The following HAS2 variants were observed in gnomAD, a reference collection of about 807,000 sequenced individuals.
HAS2 encodes the protein hyaluronan synthase 2.
Under a neutral mutation model 51.6 loss-of-function variants are expected in HAS2, and 16 were observed. That is an observed-to-expected ratio of 0.31 (90% CI 0.21 to 0.47). The LOEUF (loss-of-function observed/expected upper bound fraction) is 0.47, where lower values mean the gene tolerates loss of function less well. Among genes scored for constraint, HAS2 ranks in the 20% least tolerant of loss-of-function variants. The pLI, the probability that HAS2 is intolerant of heterozygous loss-of-function variation, is 1.00. For synonymous variants in HAS2, 228 were observed against 235.5 expected (o/e 0.97, Z 0.29); for missense variants, 361 against 662.6 (o/e 0.54, Z 5.00).
chr8:121,632,866 G>A (rs1044743329), intron 1 of HAS2, among the ~76,000 whole-genome samples: 1 of 151,734 alleles, frequency 6.6e-6, no homozygotes, highest in African/African-American at 2.4e-5. Flanking sequence ...AATGACTTTG[G>A]GTGGTAAGCA....
At position 121,612,825 on chromosome 8, in the gene HAS2, A is replaced by G. The variant is rs1475367949; in HGVS notation, c.*1284T>C. ...TCAGAAAAACAAAATTCCTCATTTG[A>G]AAGTAAAAGAGGATAGATACTTGGT... On this transcript the variant is annotated 3_prime_UTR_variant, in exon 4 of 4. Coordinates refer to ENST00000303924, the MANE Select transcript of HAS2 (RefSeq NM_005328.3). The G allele has an allele frequency of 6.6e-6, 1 of 152,170 alleles. No individual in the cohort carries two copies. Among genetic ancestry groups the G allele is most frequent in the Admixed American group, 6.5e-5 (1 of 15,272 alleles). The allele number at this position is 152,170 out of a possible 1,614,324, so 9.4% of individuals were successfully genotyped here.
intron 1 of HAS2, among the ~76,000 whole-genome samples, chr8:121,631,699 G>A (rs1812932998): frequency 6.6e-6 from 1 of 152,210 alleles, no homozygotes; most frequent in South Asian, 2.1e-4. Context: ...CAGCTGAGGG[G>A]ATGCTGAAAA....
intron 2 of HAS2, among the ~76,000 whole-genome samples, chr8:121,618,435 C>T (rs961468157): frequency 2.6e-5 from 4 of 152,068 alleles, no homozygotes; most frequent in African/African-American, 9.7e-5. Context: ...CTGGGCTTCC[C>T]CTTATTCCTT....
chr8:121,615,302 T>G (rs1812684590), intron 3 of HAS2, among the ~76,000 whole-genome samples: 1 of 152,276 alleles, frequency 6.6e-6, no homozygotes, highest in Non-Finnish European at 1.5e-5. Flanking sequence ...TCTGCTATTC[T>G]TATTCTGTTT....
intron 1 of HAS2, among the ~76,000 whole-genome samples, chr8:121,633,529 C>T (rs558823985): frequency 4.1e-4 from 62 of 152,214 alleles, no homozygotes; most frequent in South Asian, 1.0e-3. Context: ...ACTGAGATTT[C>T]GGGCTCATAT....
At chr8:121,615,183 T>C in intron 3 of HAS2, 145 bp from the exon 4 acceptor site, 1 of 604,746 alleles carries the variant, frequency 1.7e-6, no homozygotes, top group Non-Finnish European at 2.9e-6. Flanking sequence ...GCGTGGTTAT[T>C]TTATGTTTTC....
chr8:121,629,690 C>G (rs925233754), intron 1 of HAS2, among the ~76,000 whole-genome samples: 3 of 152,190 alleles, frequency 2.0e-5, no homozygotes, highest in African/African-American at 7.2e-5. Context: ...CATAGCCAGG[C>G]AGGGACCCTG....
intron 3 of HAS2, 43 bp from the exon 4 acceptor site, chr8:121,615,081 A>T (rs1812682367): frequency 7.2e-7 from 1 of 1,396,828 alleles, no homozygotes; most frequent in East Asian, 2.3e-5. Flanking sequence ...CTTTAGCTAA[A>T]AATTCCAGCA....
intron 1 of HAS2, among the ~76,000 whole-genome samples, chr8:121,629,894 A>G (rs960446593): frequency 5.9e-5 from 9 of 152,166 alleles, no homozygotes; most frequent in Non-Finnish European, 2.9e-5. Context: ...ACTGGGTTCT[A>G]GTACTAGCTC....
chr8:121,619,267 C>CT (rs542563741), intron 2 of HAS2, among the ~76,000 whole-genome samples: 90 of 152,102 alleles, frequency 5.9e-4, no homozygotes, highest in African/African-American at 2.0e-3. Flanking sequence ...TTACTACTAG[C>CT]TTTTTTTCTG....
Position 121,629,089 on chromosome 8 carries a change from T to A in HAS2, c.252A>T (p.Thr84=). Residue 84 remains threonine, a synonymous_variant, in exon 2 of 4, where the codon ACA becomes ACT. Transcript: ENST00000303924. The part of the protein sequence containing the change: ...SLETPIKLNK[T]VALCIAAYQE... ...GATAGGCAGCGATGCAAAGGGCAAC[T>A]GTTTTGTTCAACTTTATGGGGGTTT... The A allele has an allele frequency of 1.9e-6, 3 of 1,614,154 alleles. No individual in the cohort carries two copies.
At chr8:121,615,532 C>G (rs1812688335) in intron 3 of HAS2, among the ~76,000 whole-genome samples, 1 of 152,064 alleles carries the variant, frequency 6.6e-6, no homozygotes, top group Non-Finnish European at 1.5e-5. Context: ...GCCATTTTGG[C>G]CAGGCTGGTC....
At chr8:121,635,661 T>G (rs568361948) in intron 1 of HAS2, among the ~76,000 whole-genome samples, 1 of 152,382 alleles carries the variant, frequency 6.6e-6, no homozygotes, top group East Asian at 1.9e-4. Context: ...CTTGCGCCTC[T>G]TATTCATTGC....
chr8:121,627,824 G>A (rs760229559), intron 2 of HAS2, among the ~76,000 whole-genome samples: 2 of 152,282 alleles, frequency 1.3e-5, no homozygotes, highest in Non-Finnish European at 2.9e-5. Context: ...AATTCTAGAG[G>A]AGAGGAAGAA....
rs765734366 is a variant in HAS2, at chr8:121,612,407, A to C, written c.*1702T>G. 8 of 152,132 alleles carry C rather than the reference A, an allele frequency of 5.3e-5. No homozygotes were observed. The highest frequency in any genetic ancestry group is 1.2e-4 in the Non-Finnish European group (8 of 68,020). The allele number at this position is 152,132 out of a possible 1,614,324, so 9.4% of individuals were successfully genotyped here. A position where few individuals can be genotyped will look rare whatever the true frequency, so the allele number is the denominator to read the frequency against. On this transcript the variant is annotated 3_prime_UTR_variant, in exon 4 of 4. Coordinates refer to ENST00000303924, the MANE Select transcript of HAS2 (RefSeq NM_005328.3). ...TACCTTTTTGTACTCTGAAGGTAGG[A>C]TGTGCAGCTTTTTCTTAGGCAGGAT...
chr8:121,635,493 A>G (rs1271566593), intron 1 of HAS2, among the ~76,000 whole-genome samples: 3 of 152,184 alleles, frequency 2.0e-5, no homozygotes, highest in African/African-American at 7.2e-5. Context: ...CATGATGAAA[A>G]GAATAGGAGG....
intron 1 of HAS2, among the ~76,000 whole-genome samples, chr8:121,634,852 G>A (rs553138226): frequency 2.6e-4 from 39 of 151,890 alleles, no homozygotes; most frequent in Non-Finnish European, 5.0e-4. Flanking sequence ...CCTTTGGAAA[G>A]CAAAGATAGA....
At position 121,628,697 on chromosome 8, in the gene HAS2, G is replaced by C. The variant is rs747324885; in HGVS notation, c.627+17C>G. On this transcript the variant is annotated intron_variant, in intron 2 of 3. Transcript: ENST00000303924. ...ATTTAAATGTATGTTTGCCCTGGCA[G>C]GAATGTGGAGACCTACCTGTACATA... The C allele has an allele frequency of 2.8e-5, 45 of 1,606,952 alleles. No homozygotes were observed. The highest frequency in any genetic ancestry group is 3.8e-5 in the Non-Finnish European group (45 of 1,175,942).
At chr8:121,625,851 C>T (rs1224891795) in intron 2 of HAS2, among the ~76,000 whole-genome samples, 1 of 151,992 alleles carries the variant, frequency 6.6e-6, no homozygotes, top group East Asian at 1.9e-4. Flanking sequence ...TTTATTTTTT[C>T]CCTTCCTCTG....
Sources: gnomAD v4.1 joint callset for allele counts (sites outside exome capture counted in the v4.1 genomes callset) on GRCh38, gnomAD v4.1.1 for gene constraint, MANE v1.5 for transcripts, NCBI Gene and HGNC (gene_info 2026-07-23, HGNC 2026-07-21) for gene names.